Variants in AGBL4 observed in about 807,000 individuals in gnomAD.
AGBL4 encodes the protein cytosolic carboxypeptidase 6.
AGBL4 carries 58 observed loss-of-function variants against 66.4 expected under a neutral mutation model. That is an observed-to-expected ratio of 0.87 (90% CI 0.71 to 1.09). The LOEUF is 1.09. Ranked by LOEUF, AGBL4 falls within the 50% of genes least tolerant of loss-of-function variation. AGBL4 has a pLI of 0.00. For synonymous variants in AGBL4, 234 were observed against 222.9 expected, an observed-to-expected ratio of 1.05 and a Z score of -0.44; for missense variants, 579 against 631.0, an observed-to-expected ratio of 0.92 and a Z score of 0.88.
intron 4 of AGBL4, among the ~76,000 whole-genome samples, chr1:49,055,571 C>A (rs113775837): frequency 2.0e-5 from 3 of 151,780 alleles, no homozygotes; most frequent in Non-Finnish European, 2.9e-5. Context: ...AAGGCAAAGG[C>A]AATGTCATCA....
intron 1 of AGBL4, among the ~76,000 whole-genome samples, chr1:49,950,119 C>T (rs1364870673): frequency 3.7e-5 from 5 of 135,762 alleles, no homozygotes; most frequent in African/African-American, 8.1e-5. Context: ...TATGTATATA[C>T]ACATATGTGT....
chr1:48,846,847 A>G (rs1646928543), intron 6 of AGBL4, among the ~76,000 whole-genome samples: 1 of 152,152 alleles, frequency 6.6e-6, no homozygotes, highest in South Asian at 2.1e-4. Flanking sequence ...TGAACAACAT[A>G]AAATAACCTA....
At chr1:48,668,236 A>G (rs1646220471) in intron 6 of AGBL4, among the ~76,000 whole-genome samples, 1 of 152,188 alleles carries the variant, frequency 6.6e-6, no homozygotes, top group South Asian at 2.1e-4. Context: ...GCTGGTATTA[A>G]TCAGAGGGCT....
At chr1:49,091,432 AC>A (rs1645002094) in intron 4 of AGBL4, among the ~76,000 whole-genome samples, 1 of 151,784 alleles carries the variant, frequency 6.6e-6, no homozygotes, top group Non-Finnish European at 1.5e-5. Flanking sequence ...GAAGAAGCAT[AC>A]AAAAAATGCT....
At chr1:49,698,026 C>T (rs923781375) in intron 2 of AGBL4, among the ~76,000 whole-genome samples, 2 of 152,114 alleles carry the variant, frequency 1.3e-5, no homozygotes, top group Non-Finnish European at 2.9e-5. Context: ...TCTCCAACAA[C>T]AGAACTAACA....
Position 49,530,278 on chromosome 1 carries a change from A to AAAAAAAAAAAAAAAAAAAAAAAC in AGBL4, c.282+167034_282+167035insGTTTTTTTTTTTTTTTTTTTTTT, listed in dbSNP as rs1186915086. 4.0e-4 allele frequency among the ~76,000 whole-genome samples: 58 copies of AAAAAAAAAAAAAAAAAAAAAAAC among 145,178 alleles called. 1 individual carries two copies. The highest frequency in any genetic ancestry group is 8.0e-4 in the Non-Finnish European group (52 of 64,954). ...AATTTGTAAAAAAAAAAAAACAAAAAAAAACTCTATGAGTTTTTTTTTATT... is the reference window on the plus strand; with the variant it reads ...AATTTGTAAAAAAAAAAAAACAAAAAAAAAAAAAAAAAAAAAAAAAAACAAAACTCTATGAGTTTTTTTTTATT... On this transcript the variant is annotated intron_variant, in intron 3 of 13. Transcript: ENST00000371839.
At chr1:49,234,421 C>A (rs1022011059) in intron 4 of AGBL4, among the ~76,000 whole-genome samples, 8 of 151,970 alleles carry the variant, frequency 5.3e-5, no homozygotes, top group African/African-American at 1.9e-4. Context: ...TATAGAAATC[C>A]TCTAGGGAAA....
intron 1 of AGBL4, among the ~76,000 whole-genome samples, chr1:49,854,531 C>T (rs1374582836): frequency 1.3e-5 from 2 of 152,082 alleles, no homozygotes; most frequent in Non-Finnish European, 2.9e-5. Flanking sequence ...GTTCTACTCA[C>T]CCCCCTGAAG....
intron 3 of AGBL4, among the ~76,000 whole-genome samples, chr1:49,479,614 T>C (rs1646913969): frequency 1.3e-5 from 2 of 152,040 alleles, no homozygotes; most frequent in African/African-American, 4.8e-5. Flanking sequence ...GCCCCATCCA[T>C]GTCATGCAAA....
intron 3 of AGBL4, among the ~76,000 whole-genome samples, chr1:49,663,792 G>A (rs1230304153): frequency 6.6e-6 from 1 of 151,880 alleles, no homozygotes; most frequent in African/African-American, 2.4e-5. Flanking sequence ...ACAAACAATA[G>A]GGTTAAAATA....
intron 6 of AGBL4, among the ~76,000 whole-genome samples, chr1:48,822,647 T>C (rs1389326003): frequency 2.6e-5 from 4 of 152,222 alleles, no homozygotes; most frequent in Non-Finnish European, 5.9e-5. Flanking sequence ...ACAGTAGTTA[T>C]TACAATTGAG....
chr1:48,575,201 G>C (rs917238063), intron 11 of AGBL4, among the ~76,000 whole-genome samples: 1 of 152,030 alleles, frequency 6.6e-6, no homozygotes, highest in Admixed American at 6.6e-5. Context: ...TCAAAATACT[G>C]TCCAATACCC....
intron 3 of AGBL4, among the ~76,000 whole-genome samples, chr1:49,498,767 G>A (rs1013745472): frequency 6.6e-6 from 1 of 151,884 alleles, no homozygotes; most frequent in African/African-American, 2.4e-5. Context: ...TGTTGATGGT[G>A]TTTATCATGA....
chr1:48,711,509 C>T (rs1450820390), intron 6 of AGBL4, among the ~76,000 whole-genome samples: 1 of 152,172 alleles, frequency 6.6e-6, no homozygotes, highest in Non-Finnish European at 1.5e-5. Context: ...TCAGGAAAGT[C>T]CCATTTGACA....
chr1:48,774,247 G>A (rs983109407), intron 6 of AGBL4, among the ~76,000 whole-genome samples: 3 of 152,276 alleles, frequency 2.0e-5, no homozygotes, highest in Admixed American at 2.0e-4. Context: ...ATAGCACAGT[G>A]GTATTTACAT....
intron 3 of AGBL4, among the ~76,000 whole-genome samples, chr1:49,443,981 T>A (rs1646096144): frequency 6.6e-6 from 1 of 151,922 alleles, no homozygotes; most frequent in East Asian, 1.9e-4. Flanking sequence ...TTCATTTGTT[T>A]CAAGAAATTT....
chr1:49,541,495 T>G (rs1156540420), intron 3 of AGBL4, among the ~76,000 whole-genome samples: 1 of 152,072 alleles, frequency 6.6e-6, no homozygotes, highest in Non-Finnish European at 1.5e-5. Flanking sequence ...CTGTGGAGGG[T>G]GCACCAGGTC....
chr1:49,754,468 A>G (rs1472003734), intron 2 of AGBL4, among the ~76,000 whole-genome samples: 2 of 151,746 alleles, frequency 1.3e-5, no homozygotes, highest in Non-Finnish European at 2.9e-5. Flanking sequence ...AGTCTGCTGG[A>G]TTTTGCTGTA....
At chr1:49,466,740 A>C (rs758970703) in intron 3 of AGBL4, among the ~76,000 whole-genome samples, 3 of 151,850 alleles carry the variant, frequency 2.0e-5, no homozygotes, top group Non-Finnish European at 4.4e-5. Context: ...CTGAAGCAGC[A>C]TGAATTTTTA....
Sources: allele counts gnomAD v4.1 joint callset (sites outside exome capture counted in the v4.1 genomes callset), GRCh38; gene constraint gnomAD v4.1.1; transcripts MANE v1.5; gene names NCBI Gene and HGNC (gene_info 2026-07-23, HGNC 2026-07-21).